CSMD2: variants seen among roughly 807,000 people sequenced by gnomAD.
CSMD2 encodes CUB and sushi domain-containing protein 2.
CSMD2 carries 130 observed loss-of-function variants against 398.5 expected under a neutral mutation model. The ratio of observed to expected loss-of-function variants is 0.33; its 90% CI spans 0.28 to 0.38. The LOEUF (loss-of-function observed/expected upper bound fraction) is 0.38, where lower values mean the gene tolerates loss of function less well. Among genes scored for constraint, CSMD2 ranks in the 10% least tolerant of loss-of-function variants. CSMD2 has a pLI of 1.00. For missense variants in CSMD2, 3,829 were observed against 4,764.9 expected (o/e 0.80, Z 5.78); for synonymous variants, 1,828 against 1,908.5 (o/e 0.96, Z 1.10).
chr1:33,591,371 C>T (rs1346964903), intron 44 of CSMD2, among the ~76,000 whole-genome samples: 1 of 152,170 alleles, frequency 6.6e-6, no homozygotes, highest in Non-Finnish European at 1.5e-5. Flanking sequence ...AGGACTCAGG[C>T]TCTGCTTTTG....
chr1:33,876,367 C>A (rs1640840728), intron 5 of CSMD2, among the ~76,000 whole-genome samples: 1 of 152,146 alleles, frequency 6.6e-6, no homozygotes, highest in African/African-American at 2.4e-5. Context: ...TGGCCCTGGG[C>A]AATTTGTCGA....
chr1:34,115,445 C>T (rs959205740), intron 1 of CSMD2, among the ~76,000 whole-genome samples: 4 of 152,042 alleles, frequency 2.6e-5, no homozygotes, highest in African/African-American at 9.7e-5. Context: ...GTGATATATT[C>T]AAAGTACTGA....
chr1:33,855,204 A>T (rs1240610694), intron 5 of CSMD2, among the ~76,000 whole-genome samples: 1 of 152,054 alleles, frequency 6.6e-6, no homozygotes, highest in Non-Finnish European at 1.5e-5. Context: ...TCTTATGAAG[A>T]CCAGAAGCCT....
At chr1:33,833,423 C>A (rs1321090758) in intron 6 of CSMD2, among the ~76,000 whole-genome samples, 1 of 151,196 alleles carries the variant, frequency 6.6e-6, no homozygotes, top group Non-Finnish European at 1.5e-5. Context: ...TCAATAGGGG[C>A]AGAAAAGGCC....
At chr1:33,819,569 T>C (rs1657863356) in intron 9 of CSMD2, 144 bp downstream of exon 9, 1 of 682,824 alleles carries the variant, frequency 1.5e-6, no homozygotes, top group Middle Eastern at 4.1e-4. Flanking sequence ...ATAAGTATGC[T>C]TATTGGTAAA....
intron 1 of CSMD2, among the ~76,000 whole-genome samples, chr1:34,127,853 G>A (rs1484694910): frequency 6.6e-6 from 1 of 151,994 alleles, no homozygotes; most frequent in Non-Finnish European, 1.5e-5. Flanking sequence ...GATGCACAGT[G>A]GAGACTGGCC....
At chr1:33,767,783 C>T (rs564337548) in intron 13 of CSMD2, among the ~76,000 whole-genome samples, 1 of 152,276 alleles carries the variant, frequency 6.6e-6, no homozygotes, top group African/African-American at 2.4e-5. Context: ...ACCTTTGTTG[C>T]TTCATACAGG....
intron 1 of CSMD2, among the ~76,000 whole-genome samples, chr1:34,114,381 A>T (rs1050084888): frequency 6.6e-6 from 1 of 151,958 alleles, no homozygotes; most frequent in Non-Finnish European, 1.5e-5. Context: ...AAAACGAAAA[A>T]CAAGGCAACA....
At chr1:34,011,023 C>T (rs1647269511) in intron 3 of CSMD2, among the ~76,000 whole-genome samples, 1 of 152,132 alleles carries the variant, frequency 6.6e-6, no homozygotes, top group Admixed American at 6.5e-5. Context: ...TTCCCTAACC[C>T]ATTCACCTTA....
chr1:34,135,792 T>G (rs992025209), intron 1 of CSMD2, among the ~76,000 whole-genome samples: 16 of 152,100 alleles, frequency 1.1e-4, no homozygotes, highest in Admixed American at 6.5e-5. Flanking sequence ...ATATGATATA[T>G]CTACAATGAT....
intron 5 of CSMD2, chr1:33,860,769 C>T (rs531874662): frequency 1.3e-5 from 2 of 150,188 alleles, no homozygotes; most frequent in African/African-American, 5.0e-5. Context: ...CTTTCCACTT[C>T]ATGTTACTGC....
chr1:33,731,938 G>A (rs985812062), intron 15 of CSMD2, among the ~76,000 whole-genome samples: 2 of 152,168 alleles, frequency 1.3e-5, no homozygotes, highest in Admixed American at 1.3e-4. Flanking sequence ...GTGGTTGTGG[G>A]GGAATGGGTG....
intron 27 of CSMD2, among the ~76,000 whole-genome samples, chr1:33,656,076 A>G (rs924933062): frequency 4.5e-5 from 4 of 88,382 alleles, no homozygotes; most frequent in Non-Finnish European, 8.8e-5. Flanking sequence ...CCTTGAGCAG[A>G]TGGAATTCTG....
rs1322560644 is a variant in CSMD2, at chr1:33,550,535, T to C, written c.8744-185A>G. Among the ~76,000 whole-genome samples, 3 of 152,260 alleles carry C rather than the reference T, an allele frequency of 2.0e-5. No individual in the cohort carries two copies. In the East Asian group the frequency reaches 5.8e-4, roughly 29 times the overall value. On this transcript the variant is annotated intron_variant, in intron 55 of 70. Transcript: ENST00000373381. ...AGACAATGTCCACTCAGGGGACAGT[T>C]TTCCATATCTATGAAATGAGGAATA...
intron 1 of CSMD2, among the ~76,000 whole-genome samples, chr1:34,155,850 T>C (rs1419028636): frequency 6.6e-6 from 1 of 152,210 alleles, no homozygotes; most frequent in African/African-American, 2.4e-5. Context: ...TCCAAGTCCA[T>C]CATTGCATAG....
chr1:34,068,183 T>A (rs1655326642), intron 2 of CSMD2, among the ~76,000 whole-genome samples: 1 of 152,208 alleles, frequency 6.6e-6, no homozygotes, highest in Admixed American at 6.5e-5. Context: ...CCTAAGAGTC[T>A]CCTTCCTTCA....
chr1:33,857,754 C>T (rs1457146425), intron 5 of CSMD2, among the ~76,000 whole-genome samples: 1 of 152,128 alleles, frequency 6.6e-6, no homozygotes, highest in African/African-American at 2.4e-5. Context: ...AACCCCATGA[C>T]TAGTTTGGGG....
intron 19 of CSMD2, among the ~76,000 whole-genome samples, chr1:33,718,109 TCCAAGGTCG>T (rs1434132225): frequency 6.6e-6 from 1 of 152,074 alleles, no homozygotes; most frequent in Non-Finnish European, 1.5e-5. Flanking sequence ...AAGTCATCTG[TCCAAGGTCG>T]CCCAGCTAGT....
At chr1:33,526,161 T>C (rs1187518214) in intron 65 of CSMD2, among the ~76,000 whole-genome samples, 17 of 152,150 alleles carry the variant, frequency 1.1e-4, no homozygotes. Flanking sequence ...TAAAAAGATA[T>C]AGAGAGGGAA....
Sources: allele counts gnomAD v4.1 joint callset (sites outside exome capture counted in the v4.1 genomes callset), GRCh38; gene constraint gnomAD v4.1.1; transcripts MANE v1.5; gene names NCBI Gene and HGNC (gene_info 2026-07-23, HGNC 2026-07-21).